The following ENOX1 variants were observed in gnomAD, a reference collection of about 807,000 sequenced individuals.
ENOX1 encodes ecto-NOX disulfide-thiol exchanger 1.
ENOX1 carries 42 observed loss-of-function variants against 82.5 expected under a neutral mutation model. That is an observed-to-expected ratio of 0.51 (90% CI 0.40 to 0.66). ENOX1 has a LOEUF of 0.66. Among genes scored for constraint, ENOX1 ranks in the 30% least tolerant of loss-of-function variants. The pLI is 0.00. For synonymous variants in ENOX1, 271 were observed against 282.2 expected (o/e 0.96, Z 0.40); for missense variants, 608 against 811.6 (o/e 0.75, Z 3.05).
intron 11 of ENOX1, among the ~76,000 whole-genome samples, chr13:43,320,699 T>C (rs2047758493): frequency 2.0e-5 from 3 of 152,226 alleles, no homozygotes; most frequent in South Asian, 4.1e-4. Context: ...TGAGAATTTC[T>C]GACTGATGCA....
intron 1 of ENOX1, among the ~76,000 whole-genome samples, chr13:43,672,760 C>A (rs1210392612): frequency 1.3e-5 from 2 of 152,106 alleles, no homozygotes; most frequent in Non-Finnish European, 2.9e-5. Context: ...ACTTTGAGAT[C>A]TCCAATATAA....
chr13:43,734,934 C>T (rs949831024), intron 1 of ENOX1, among the ~76,000 whole-genome samples: 1 of 152,136 alleles, frequency 6.6e-6, no homozygotes, highest in East Asian at 1.9e-4. Flanking sequence ...AAATCATGCT[C>T]AAGATACATC....
intron 1 of ENOX1, among the ~76,000 whole-genome samples, chr13:43,674,995 G>A (rs532153047): frequency 1.3e-5 from 2 of 152,162 alleles, no homozygotes; most frequent in Non-Finnish European, 2.9e-5. Flanking sequence ...AGTGAACAAG[G>A]TAACCAGCAG....
In ENOX1 at chr13:43,496,168, A is replaced by G. The variant is rs1019090377; in HGVS notation, c.-218-12016T>C. On this transcript the variant is annotated intron_variant, in intron 2 of 16. Coordinates refer to ENST00000690772, the MANE Select transcript of ENOX1 (RefSeq NM_001347969.2). Reference sequence around the variant, plus strand: ...AGGGAGCCTTTAATGTTTGTGGAGTATAGTTAACTGATTTTTTTCTATAAT... The same window carrying G: ...AGGGAGCCTTTAATGTTTGTGGAGTGTAGTTAACTGATTTTTTTCTATAAT... 2.1e-5 allele frequency among the ~76,000 whole-genome samples: 3 copies of G among 145,222 alleles called. No homozygotes were observed. The South Asian group carries it at 6.3e-4, about 31-fold the overall frequency.
chr13:43,520,593 G>A (rs1755165199), intron 2 of ENOX1, among the ~76,000 whole-genome samples: 1 of 152,142 alleles, frequency 6.6e-6, no homozygotes, highest in Non-Finnish European at 1.5e-5. Flanking sequence ...ACAGGATATA[G>A]ACCCATGAAC....
intron 1 of ENOX1, among the ~76,000 whole-genome samples, chr13:43,776,776 G>A (rs1951941239): frequency 6.6e-6 from 1 of 151,694 alleles, no homozygotes; most frequent in South Asian, 2.1e-4. Flanking sequence ...CACAAGCTGT[G>A]CTACAGACGT....
chr13:43,463,515 C>T (rs1464772933), intron 3 of ENOX1, among the ~76,000 whole-genome samples: 9 of 152,126 alleles, frequency 5.9e-5, no homozygotes, highest in Non-Finnish European at 8.8e-5. Context: ...AAAAGCATCA[C>T]CTTGGAATGG....
At chr13:43,373,881 A>G (rs2051421143) in intron 5 of ENOX1, among the ~76,000 whole-genome samples, 1 of 152,184 alleles carries the variant, frequency 6.6e-6, no homozygotes. Flanking sequence ...TGAGTGCAAT[A>G]TACTTGGAGG....
At chr13:43,247,917 G>T (rs1242239187) in intron 14 of ENOX1, among the ~76,000 whole-genome samples, 4 of 82,340 alleles carry the variant, frequency 4.9e-5, no homozygotes, top group East Asian at 4.1e-4. Context: ...ACGGAGTCTC[G>T]CTCTGTCGCC....
At chr13:43,289,503 A>G (rs1471878940) in intron 12 of ENOX1, among the ~76,000 whole-genome samples, 3 of 152,226 alleles carry the variant, frequency 2.0e-5, no homozygotes, top group Non-Finnish European at 4.4e-5. Flanking sequence ...TGGTTATAGG[A>G]TAACTGACTA....
intron 1 of ENOX1, among the ~76,000 whole-genome samples, chr13:43,750,518 A>G (rs1566875421): frequency 6.6e-6 from 1 of 152,158 alleles, no homozygotes; most frequent in Non-Finnish European, 1.5e-5. Flanking sequence ...ATACCTTCCA[A>G]GTCTCCAAGT....
intron 3 of ENOX1, chr13:43,459,266 C>G (rs1260326096): frequency 6.6e-6 from 1 of 152,156 alleles, no homozygotes; most frequent in Non-Finnish European, 1.5e-5. Flanking sequence ...GTTGAATGAC[C>G]AGGGTACCTC....
At chr13:43,336,433 G>A (rs2048715748) in intron 9 of ENOX1, among the ~76,000 whole-genome samples, 3 of 152,234 alleles carry the variant, frequency 2.0e-5, no homozygotes, top group Admixed American at 6.5e-5. Flanking sequence ...ATGAGGGCGT[G>A]ACAGTGGAGA....
At chr13:43,774,696 T>C (rs540770339) in intron 1 of ENOX1, among the ~76,000 whole-genome samples, 1 of 152,240 alleles carries the variant, frequency 6.6e-6, no homozygotes, top group East Asian at 1.9e-4. Context: ...GGGATGGCCT[T>C]ACAGACAGGT....
At chr13:43,650,705 G>A (rs2084124490) in intron 2 of ENOX1, among the ~76,000 whole-genome samples, 1 of 152,190 alleles carries the variant, frequency 6.6e-6, no homozygotes, top group Admixed American at 6.5e-5. Context: ...AGGCACGGTG[G>A]TGGGCACCTG....
intron 2 of ENOX1, among the ~76,000 whole-genome samples, chr13:43,524,863 C>G (rs111597185): frequency 9.4e-4 from 143 of 152,170 alleles, no homozygotes; most frequent in African/African-American, 3.3e-3. Flanking sequence ...CATCAGTTGA[C>G]ACATTTATTA....
intron 11 of ENOX1, among the ~76,000 whole-genome samples, chr13:43,315,749 A>C (rs2047442095): frequency 6.6e-6 from 1 of 152,208 alleles, no homozygotes; most frequent in Non-Finnish European, 1.5e-5. Context: ...TTGCTATAGT[A>C]CTTTCCATAG....
At chr13:43,488,921 T>C (rs1454231619) in intron 2 of ENOX1, among the ~76,000 whole-genome samples, 2 of 152,230 alleles carry the variant, frequency 1.3e-5, no homozygotes, top group Non-Finnish European at 2.9e-5. Context: ...AGCAATTAAC[T>C]AGACTATTTG....
rs949835764 is a variant in ENOX1, at chr13:43,595,650, G to T, written c.-219+71829C>A. Among the ~76,000 whole-genome samples, 13 of 152,080 alleles carry T rather than the reference G, an allele frequency of 8.5e-5. 1 individual carries two copies. The highest frequency in any genetic ancestry group is 5.9e-5 in the Non-Finnish European group (4 of 68,018). ...GGTACACTTTTCACTTTCATCAGAG[G>T]TATTTTCATAGGAAAATACTGGCTA... On this transcript the variant is annotated intron_variant, in intron 2 of 16. Coordinates refer to ENST00000690772, the MANE Select transcript of ENOX1 (RefSeq NM_001347969.2).
Sources: allele counts gnomAD v4.1 joint callset (sites outside exome capture counted in the v4.1 genomes callset), GRCh38; gene constraint gnomAD v4.1.1; transcripts MANE v1.5; gene names NCBI Gene and HGNC (gene_info 2026-07-23, HGNC 2026-07-21).